Variants in EGFR observed in about 807,000 individuals in gnomAD.
EGFR encodes avian erythroblastic leukemia viral (v-erb-b) oncogene homolog.
EGFR carries 58 observed loss-of-function variants against 143.0 expected under a neutral mutation model. The ratio of observed to expected loss-of-function variants is 0.41; its 90% CI spans 0.33 to 0.50. The LOEUF (loss-of-function observed/expected upper bound fraction) is 0.50, where lower values mean the gene tolerates loss of function less well. Among genes scored for constraint, EGFR ranks in the 20% least tolerant of loss-of-function variants. EGFR has a pLI of 0.39. For missense variants in EGFR, 1,307 were observed against 1,579.0 expected (o/e 0.83, Z 2.92); for synonymous variants, 613 against 594.4 (o/e 1.03, Z -0.45).
chr7:55,107,135 G>A (rs1366381067), intron 1 of EGFR, among the ~76,000 whole-genome samples: 1 of 152,156 alleles, frequency 6.6e-6, no homozygotes, highest in Non-Finnish European at 1.5e-5. Flanking sequence ...GGCAGCATCT[G>A]GTTTATTGGA....
chr7:55,173,860 C>CA, intron 17 of EGFR, 61 bp from the exon 18 acceptor site: 1 of 1,613,828 alleles, frequency 6.2e-7, no homozygotes, highest in Non-Finnish European at 8.5e-7. Flanking sequence ...ATGTCTGGCA[C>CA]TGCTTTCCAG....
At chr7:55,115,038 C>T (rs967937958) in intron 1 of EGFR, among the ~76,000 whole-genome samples, 43 of 151,796 alleles carry the variant, frequency 2.8e-4, no homozygotes, top group Non-Finnish European at 8.8e-5. Flanking sequence ...CCCGCCACCG[C>T]GCCGGGCTAA....
chr7:55,116,591 A>G (rs1361275689), intron 1 of EGFR, among the ~76,000 whole-genome samples: 1 of 152,120 alleles, frequency 6.6e-6, no homozygotes, highest in Non-Finnish European at 1.5e-5. Flanking sequence ...AATATCACAA[A>G]CCAATTAGCC....
chr7:55,173,273 C>G, intron 17 of EGFR, 149 bp downstream of exon 17: 2 of 1,190,822 alleles, frequency 1.7e-6, no homozygotes, highest in Non-Finnish European at 2.3e-6. Context: ...CAGTTATACC[C>G]AGTTGGTGAC....
chr7:55,042,143 G>T (rs962865097), intron 1 of EGFR, among the ~76,000 whole-genome samples: 9 of 152,170 alleles, frequency 5.9e-5, no homozygotes, highest in Non-Finnish European at 1.3e-4. Flanking sequence ...GATTTTAAGT[G>T]CCTGATAAAA....
intron 22 of EGFR, among the ~76,000 whole-genome samples, chr7:55,193,859 A>C (rs771424554): frequency 9.2e-5 from 14 of 152,362 alleles, no homozygotes; most frequent in African/African-American, 1.9e-4. Context: ...TTTTCCAAAT[A>C]CATACACATT....
At chr7:55,087,407 C>A (rs1440228900) in intron 1 of EGFR, among the ~76,000 whole-genome samples, 1 of 152,028 alleles carries the variant, frequency 6.6e-6, no homozygotes, top group Non-Finnish European at 1.5e-5. Context: ...TCAGGCCCTG[C>A]GTAGGGCCTA....
At chr7:55,201,706 C>T (rs1787856226) in intron 25 of EGFR, 29 bp from the exon 26 acceptor site, 4 of 1,614,024 alleles carry the variant, frequency 2.5e-6, no homozygotes, top group African/African-American at 1.3e-5. Flanking sequence ...ACAAGCATTC[C>T]ATGGGCAACT....
At chr7:55,076,625 C>T (rs1790144769) in intron 1 of EGFR, among the ~76,000 whole-genome samples, 1 of 152,180 alleles carries the variant, frequency 6.6e-6, no homozygotes, top group Admixed American at 6.5e-5. Context: ...CGCCTATTAT[C>T]ATCTAGGTGA....
At position 55,125,060 on chromosome 7, in the gene EGFR, C is replaced by T. The variant is rs537471120; in HGVS notation, c.89-17226C>T. 7.9e-5 allele frequency among the ~76,000 whole-genome samples: 12 copies of T among 152,324 alleles called. No individual in the cohort carries two copies. In the East Asian group the frequency reaches 2.1e-3, roughly 27 times the overall value. ...TGATTCAGCAAATCTGGGATGCCCT[C>T]GGGCTGCATTTCCAGCAGGCTCCTG... On this transcript the variant is annotated intron_variant, in intron 1 of 27. Transcript: ENST00000275493.
chr7:55,035,361 C>G (rs1787496030), intron 1 of EGFR, among the ~76,000 whole-genome samples: 1 of 151,614 alleles, frequency 6.6e-6, no homozygotes, highest in Non-Finnish European at 1.5e-5. Context: ...AGTTGTATTA[C>G]TTAGAAATTA....
intron 1 of EGFR, among the ~76,000 whole-genome samples, chr7:55,111,871 C>G (rs1792512852): frequency 6.6e-6 from 1 of 152,232 alleles, no homozygotes; most frequent in Admixed American, 6.5e-5. Flanking sequence ...TCCTTTGCTT[C>G]TACATCACTG....
At chr7:55,169,010 A>C (rs578165410) in intron 15 of EGFR, among the ~76,000 whole-genome samples, 2 of 152,250 alleles carry the variant, frequency 1.3e-5, no homozygotes, top group East Asian at 3.9e-4. Flanking sequence ...AGACTACAGC[A>C]TAAGCAGCTG....
chr7:55,143,992 G>A (rs527375642), intron 3 of EGFR, among the ~76,000 whole-genome samples: 2 of 152,304 alleles, frequency 1.3e-5, no homozygotes, highest in South Asian at 2.1e-4. Context: ...AGCAGGACTC[G>A]TGAGGTTCCT....
At position 55,041,882 on chromosome 7, in the gene EGFR, A is replaced by G. The variant is rs1340124357; in HGVS notation, c.88+22517A>G. ...AAACAGTACTTGGATTAAAACTTGAATCATTGTTAAGGAAAACTATACCTT... is the reference window on the plus strand; with the variant it reads ...AAACAGTACTTGGATTAAAACTTGAGTCATTGTTAAGGAAAACTATACCTT... On this transcript the variant is annotated intron_variant, in intron 1 of 27. Transcript: ENST00000275493. Among the ~76,000 whole-genome samples, 4 of 152,246 alleles carry G rather than the reference A, an allele frequency of 2.6e-5. No homozygotes were observed. The East Asian group carries it at 5.8e-4, about 22-fold the overall frequency.
At chr7:55,042,542 A>G (rs1272949539) in intron 1 of EGFR, among the ~76,000 whole-genome samples, 1 of 152,108 alleles carries the variant, frequency 6.6e-6, no homozygotes, top group Non-Finnish European at 1.5e-5. Flanking sequence ...CCTGTTTTCT[A>G]CTTATAGTTC....
chr7:55,110,782 A>G (rs1792433303), intron 1 of EGFR, among the ~76,000 whole-genome samples: 1 of 152,182 alleles, frequency 6.6e-6, no homozygotes, highest in Non-Finnish European at 1.5e-5. Context: ...TTCGCTGGCC[A>G]TTAGCCACCA....
chr7:55,079,506 G>C (rs1033682104), intron 1 of EGFR, among the ~76,000 whole-genome samples: 1 of 152,210 alleles, frequency 6.6e-6, no homozygotes, highest in African/African-American at 2.4e-5. Flanking sequence ...CAGGACTGGA[G>C]TGATGGTTGA....
intron 1 of EGFR, among the ~76,000 whole-genome samples, chr7:55,110,760 T>C (rs1477437216): frequency 6.6e-6 from 1 of 152,224 alleles, no homozygotes; most frequent in Non-Finnish European, 1.5e-5. Flanking sequence ...CCCGCTCTCC[T>C]TTCTCTTGCC....
Sources: allele counts gnomAD v4.1 joint callset (sites outside exome capture counted in the v4.1 genomes callset), GRCh38; gene constraint gnomAD v4.1.1; transcripts MANE v1.5; gene names NCBI Gene and HGNC (gene_info 2026-07-23, HGNC 2026-07-21).